The following TBC1D8 variants were observed in gnomAD, a reference collection of about 807,000 sequenced individuals.
TBC1D8 encodes the protein BUB2-like protein 1.
A neutral mutation model predicts 118.8 loss-of-function variants in TBC1D8; 65 were observed. That is an observed-to-expected ratio of 0.55 (90% CI 0.45 to 0.67). The LOEUF is 0.67. TBC1D8 is among the 30% of genes least tolerant of loss of function. The pLI, the probability that TBC1D8 is intolerant of heterozygous loss-of-function variation, is 0.00. For missense variants in TBC1D8, 1,376 were observed against 1,471.2 expected (o/e 0.94, Z 1.06); for synonymous variants, 566 against 595.8 (o/e 0.95, Z 0.73).
At position 101,054,672 on chromosome 2, in the gene TBC1D8, C is replaced by CTTTTTTTTTTTTTTTTTTTTTTTTTT. The variant is rs34465252; in HGVS notation, c.403-362_403-337dup. Among the ~76,000 whole-genome samples the CTTTTTTTTTTTTTTTTTTTTTTTTTT allele has an allele frequency of 1.1e-3, 27 of 25,424 alleles. 2 individuals carry two copies. The highest frequency in any genetic ancestry group is 7.7e-3 in the East Asian group (5 of 652). 16.7% of individuals were successfully genotyped at this position (25,424 alleles called of 152,430 possible). ...ACAAACAATCATTTTCTTTTCTTTT[C>CTTTTTTTTTTTTTTTTTTTTTTTTTT]TTTTTTTTTTTTTTTTTTTTTTTTT... On this transcript the variant is annotated intron_variant, in intron 3 of 19. Coordinates refer to ENST00000409318, the MANE Select transcript of TBC1D8 (RefSeq NM_001330348.2).
intron 2 of TBC1D8, among the ~76,000 whole-genome samples, chr2:101,086,343 T>TAAATG (rs1675626662): frequency 6.6e-6 from 1 of 152,074 alleles, no homozygotes; most frequent in Admixed American, 6.6e-5. Context: ...GTGGAAAAGT[T>TAAATG]AAATGAAATG....
At chr2:101,058,856 CT>C (rs1682589605) in intron 3 of TBC1D8, among the ~76,000 whole-genome samples, 1 of 151,672 alleles carries the variant, frequency 6.6e-6, no homozygotes, top group East Asian at 1.9e-4. Context: ...AAGGCCTTCA[CT>C]CCTGTAAAGG....
intron 11 of TBC1D8, 109 bp downstream of exon 11, chr2:101,032,159 T>G: frequency 1.0e-6 from 1 of 1,004,016 alleles, no homozygotes; most frequent in Non-Finnish European, 1.5e-6. Flanking sequence ...GCAAACAGAC[T>G]AGCTGAGTGG....
At chr2:101,111,916 TA>T (rs11296257) in intron 1 of TBC1D8, among the ~76,000 whole-genome samples, 101,149 of 146,516 alleles carry the variant, frequency 0.69, 35,502 homozygotes, top group African/African-American at 0.84. Flanking sequence ...ACCATAGTTT[TA>T]AAAAAAAAAA....
At chr2:101,016,949 T>TCACAC (rs1679692859) in intron 17 of TBC1D8, among the ~76,000 whole-genome samples, 2 of 151,804 alleles carry the variant, frequency 1.3e-5, no homozygotes, top group African/African-American at 4.8e-5. Flanking sequence ...GGGGGAGGGA[T>TCACAC]AGCATTAGGA....
At chr2:101,147,190 T>C (rs1026596597) in intron 1 of TBC1D8, among the ~76,000 whole-genome samples, 1 of 150,240 alleles carries the variant, frequency 6.7e-6, no homozygotes, top group African/African-American at 2.4e-5. Flanking sequence ...CTGTTGTATA[T>C]ATCTCACATT....
rs768890588 is a variant in TBC1D8 at position 101,028,327 on chromosome 2, C to T, written c.2328G>A (p.Ser776=). Residue 776 remains serine (S), a synonymous_variant, in exon 13 of 20, where the codon TCG becomes TCA. Coordinates refer to ENST00000409318, the MANE Select transcript of TBC1D8 (RefSeq NM_001330348.2). ...CCTCATAGGAATCCCGGATCAGGTC[C>T]GAAATATCAGTCACAGGGTAGGGCT... ...DQEPYPVTDI[S]DLIRDSYEKF... 35 of 1,612,480 alleles carry T rather than the reference C, an allele frequency of 2.2e-5. No individual in the cohort carries two copies. Among genetic ancestry groups the T allele is most frequent in the Middle Eastern group, 1.7e-4 (1 of 6,060 alleles).
At chr2:101,012,555 G>A (rs758176936) in intron 17 of TBC1D8, among the ~76,000 whole-genome samples, 27 of 151,810 alleles carry the variant, frequency 1.8e-4, no homozygotes, top group Non-Finnish European at 3.8e-4. Flanking sequence ...CTAAAGATAT[G>A]ACATTTATTT....
rs753453817 is a variant in TBC1D8, at chr2:101,038,546, C to T, written c.1190G>A (p.Ser397Asn). 1 of 1,613,936 alleles carries T rather than the reference C, an allele frequency of 6.2e-7. No individual in the cohort carries two copies. Among genetic ancestry groups the T allele is most frequent in the South Asian group, 1.1e-5 (1 of 91,084 alleles). ...CCTCGCAAGCAGCGCCTCCACCAGG[C>T]TGTCTCGGTCCCGGAGCTCAATGAA... Reference protein sequence around the residue: ...FQFIELRDRDSLVEALLARLK... With the variant: ...FQFIELRDRDNLVEALLARLK... The change falls in exon 7 of 20, where the codon AGC becomes AAC. Residue 397 changes from serine (S) to asparagine (N), a missense_variant. Coordinates refer to ENST00000409318, the MANE Select transcript of TBC1D8 (RefSeq NM_001330348.2).
intron 2 of TBC1D8, among the ~76,000 whole-genome samples, chr2:101,073,470 AT>A (rs1674608619): frequency 6.6e-6 from 1 of 151,426 alleles, no homozygotes; most frequent in Non-Finnish European, 1.5e-5. Flanking sequence ...ACTTTTTTGT[AT>A]TTTTAATACA....
chr2:101,071,046 T>C (rs1055378533), intron 2 of TBC1D8, among the ~76,000 whole-genome samples: 2 of 152,064 alleles, frequency 1.3e-5, no homozygotes, highest in African/African-American at 4.8e-5. Context: ...CAATTTAAAT[T>C]AGCATCGGCC....
intron 1 of TBC1D8, among the ~76,000 whole-genome samples, chr2:101,145,245 T>C (rs1176552848): frequency 6.6e-6 from 1 of 152,250 alleles, no homozygotes. Context: ...ATGCAACTCT[T>C]GGAAACCTCA....
chr2:101,066,528 TTAAA>T (rs1339760379), intron 2 of TBC1D8, among the ~76,000 whole-genome samples: 1 of 152,132 alleles, frequency 6.6e-6, no homozygotes, highest in Non-Finnish European at 1.5e-5. Flanking sequence ...AAATAACTAA[TTAAA>T]TAGTGTTTTG....
At chr2:101,136,156 G>A (rs1023382031) in intron 1 of TBC1D8, among the ~76,000 whole-genome samples, 2 of 152,084 alleles carry the variant, frequency 1.3e-5, no homozygotes, top group South Asian at 4.2e-4. Context: ...CTGGCCTCAC[G>A]TTGAAATTTG....
intron 1 of TBC1D8, among the ~76,000 whole-genome samples, chr2:101,107,450 A>C (rs1355363914): frequency 6.6e-6 from 1 of 152,206 alleles, no homozygotes; most frequent in Non-Finnish European, 1.5e-5. Flanking sequence ...GACAGAAAAA[A>C]AAAAGGCAGA....
At chr2:101,137,368 A>G (rs1388950297) in intron 1 of TBC1D8, among the ~76,000 whole-genome samples, 1 of 152,020 alleles carries the variant, frequency 6.6e-6, no homozygotes, top group African/African-American at 2.4e-5. Context: ...GCTGGAGTGC[A>G]GTGGCATGAT....
chr2:101,131,058 TTTTA>T (rs139805489), intron 1 of TBC1D8, among the ~76,000 whole-genome samples: 99,910 of 150,974 alleles, frequency 0.66, 33,406 homozygotes, highest in East Asian at 0.78. Context: ...CACCTCTTTA[TTTTA>T]TTTATTTATT....
At chr2:101,028,628 A>G in intron 12 of TBC1D8, 196 bp from the exon 13 acceptor site, 1 of 694,636 alleles carries the variant, frequency 1.4e-6, no homozygotes, top group Non-Finnish European at 2.2e-6. Flanking sequence ...TGGGCTCCAC[A>G]GGTGGCTTTC....
intron 3 of TBC1D8, among the ~76,000 whole-genome samples, chr2:101,054,775 T>C (rs919102871): frequency 6.3e-5 from 9 of 141,966 alleles, no homozygotes; most frequent in Non-Finnish European, 1.4e-4. Context: ...CTCCACCTCC[T>C]GGGTTCAAGT....
Sources: allele counts gnomAD v4.1 joint callset (sites outside exome capture counted in the v4.1 genomes callset), GRCh38; gene constraint gnomAD v4.1.1; transcripts MANE v1.5; gene names NCBI Gene and HGNC (gene_info 2026-07-23, HGNC 2026-07-21).